The following GRIA2 variants were observed in gnomAD, a reference collection of about 807,000 sequenced individuals.
GRIA2 encodes the protein glutamate receptor 2.
A neutral mutation model predicts 97.3 loss-of-function variants in GRIA2; 14 were observed. The ratio of observed to expected loss-of-function variants is 0.14; its 90% CI spans 0.10 to 0.23. GRIA2 has a LOEUF of 0.23. Ranked by LOEUF, GRIA2 falls within the 10% of genes least tolerant of loss-of-function variation. The pLI is 1.00. For missense variants in GRIA2, 558 were observed against 1,069.8 expected (o/e 0.52, Z 6.67); for synonymous variants, 412 against 387.8 (o/e 1.06, Z -0.73).
chr4:157,242,785 C>T (rs1347948880), intron 2 of GRIA2, among the ~76,000 whole-genome samples: 1 of 152,060 alleles, frequency 6.6e-6, no homozygotes, highest in Non-Finnish European at 1.5e-5. Context: ...CATCTTATTT[C>T]ATATATATTG....
chr4:157,256,240 A>AATAT (rs1731259642), intron 2 of GRIA2, among the ~76,000 whole-genome samples: 1 of 98,650 alleles, frequency 1.0e-5, no homozygotes, highest in African/African-American at 4.4e-5. Flanking sequence ...TATAATATAT[A>AATAT]TATATAATAT....
intron 15 of GRIA2, 93 bp downstream of exon 15, chr4:157,363,140 G>C: frequency 7.9e-7 from 1 of 1,272,172 alleles, no homozygotes; most frequent in Non-Finnish European, 1.1e-6. Context: ...GTGGCCAATG[G>C]ATCATCCTGT....
intron 2 of GRIA2, among the ~76,000 whole-genome samples, chr4:157,283,544 A>G (rs1732703624): frequency 6.6e-6 from 1 of 152,048 alleles, no homozygotes; most frequent in South Asian, 2.1e-4. Flanking sequence ...CAATTTCTTC[A>G]GTGCAAAAAT....
At chr4:157,289,449 A>G (rs1307122511) in intron 2 of GRIA2, among the ~76,000 whole-genome samples, 1 of 151,840 alleles carries the variant, frequency 6.6e-6, no homozygotes, top group African/African-American at 2.4e-5. Context: ...TGATTACATT[A>G]GGCAGGTTCT....
intron 2 of GRIA2, among the ~76,000 whole-genome samples, chr4:157,283,143 T>C (rs756773191): frequency 3.9e-5 from 6 of 152,050 alleles, no homozygotes; most frequent in Non-Finnish European, 8.8e-5. Flanking sequence ...CTTTTCCATA[T>C]ATAAAAGCTT....
intron 1 of GRIA2, 161 bp from the exon 2 acceptor site, chr4:157,221,506 C>G: frequency 1.4e-6 from 1 of 732,572 alleles, no homozygotes; most frequent in South Asian, 1.8e-5. Context: ...CCTTGGCTAG[C>G]TTTTGGATAT....
rs774921608 is a variant in GRIA2 at position 157,221,008 on chromosome 4, A to AG, written c.-31dup. 3 of 992,732 alleles carry AG rather than the reference A, an allele frequency of 3.0e-6. No individual in the cohort carries two copies. Among genetic ancestry groups the AG allele is most frequent in the Non-Finnish European group, 4.9e-6 (3 of 617,324 alleles). The allele number at this position is 992,732 out of a possible 1,614,324, so 61.5% of individuals were successfully genotyped here. On this transcript the variant is annotated 5_prime_UTR_variant, in exon 1 of 16. Transcript: ENST00000264426. The stretch of plus-strand genomic sequence containing the variant: ...GGAAGAGGAGGAAAAGGAAAAAAAA[A>AG]GGGGTATATTGTGGATGCTCTACTT...
chr4:157,330,289 T>G (rs1734992120), intron 6 of GRIA2, among the ~76,000 whole-genome samples: 1 of 151,980 alleles, frequency 6.6e-6, no homozygotes. Flanking sequence ...TTCTAAACTA[T>G]AGTCAACTAA....
At chr4:157,264,965 G>T (rs1052512072) in intron 2 of GRIA2, among the ~76,000 whole-genome samples, 1 of 151,898 alleles carries the variant, frequency 6.6e-6, no homozygotes, top group African/African-American at 2.4e-5. Context: ...ATTAAACTGA[G>T]ACACAGAGAG....
chr4:157,326,767 G>A (rs1030224082), intron 6 of GRIA2, among the ~76,000 whole-genome samples: 5 of 152,172 alleles, frequency 3.3e-5, no homozygotes, highest in African/African-American at 1.2e-4. Context: ...TCATACTTTA[G>A]AACTGTGTAT....
chr4:157,287,499 G>A (rs1425215566), intron 2 of GRIA2, among the ~76,000 whole-genome samples: 1 of 151,528 alleles, frequency 6.6e-6, no homozygotes, highest in Non-Finnish European at 1.5e-5. Flanking sequence ...TGGTTGGAGG[G>A]TATGTTTTGG....
intron 1 of GRIA2, 111 bp downstream of exon 1, chr4:157,221,241 C>A: frequency 1.4e-6 from 1 of 716,016 alleles, no homozygotes; most frequent in Non-Finnish European, 2.5e-6. Flanking sequence ...ACCTTGACTG[C>A]ATTCCAGATT....
chr4:157,363,205 C>T (rs1211437316), intron 15 of GRIA2, 158 bp downstream of exon 15: 9 of 807,610 alleles, frequency 1.1e-5, no homozygotes, highest in South Asian at 7.6e-5. Context: ...TGCAGCTCAA[C>T]TGTCTATTTT....
At chr4:157,255,985 A>G (rs945137794) in intron 2 of GRIA2, among the ~76,000 whole-genome samples, 1 of 150,982 alleles carries the variant, frequency 6.6e-6, no homozygotes, top group African/African-American at 2.4e-5. Context: ...TTTTATATAC[A>G]GTGACACAGA....
At chr4:157,355,700 A>T (rs1397482278) in intron 12 of GRIA2, among the ~76,000 whole-genome samples, 34 of 112,662 alleles carry the variant, frequency 3.0e-4, no homozygotes, top group African/African-American at 1.0e-3. Context: ...TTATTTATAT[A>T]TATTTGTATA....
chr4:157,231,184 G>A (rs573471405), intron 2 of GRIA2, among the ~76,000 whole-genome samples: 5 of 152,046 alleles, frequency 3.3e-5, no homozygotes, highest in Non-Finnish European at 7.4e-5. Context: ...GACTACAGGT[G>A]CACACCGCCA....
chr4:157,245,307 T>A (rs1336739212), intron 2 of GRIA2, among the ~76,000 whole-genome samples: 1 of 152,056 alleles, frequency 6.6e-6, no homozygotes, highest in Non-Finnish European at 1.5e-5. Flanking sequence ...AATCTTTGTC[T>A]ATGGAATGAA....
chr4:157,262,577 AGTCTAGC>A (rs1731591390), intron 2 of GRIA2, among the ~76,000 whole-genome samples: 1 of 152,044 alleles, frequency 6.6e-6, no homozygotes, highest in African/African-American at 2.4e-5. Flanking sequence ...TCTGAGCTAT[AGTCTAGC>A]TTTCCTCTAA....
intron 2 of GRIA2, among the ~76,000 whole-genome samples, chr4:157,252,178 G>A (rs1007195140): frequency 1.3e-5 from 2 of 152,000 alleles, no homozygotes; most frequent in African/African-American, 4.8e-5. Flanking sequence ...ACATATTTTT[G>A]TATTCTGCAA....
Sources: gnomAD v4.1 joint callset for allele counts (sites outside exome capture counted in the v4.1 genomes callset) on GRCh38, gnomAD v4.1.1 for gene constraint, MANE v1.5 for transcripts, NCBI Gene and HGNC (gene_info 2026-07-23, HGNC 2026-07-21) for gene names.